Variants in VPS35L observed in about 807,000 individuals in gnomAD.
The protein encoded by VPS35L is VPS35 endosomal protein sorting factor like.
VPS35L carries 83 observed loss-of-function variants against 133.0 expected under a neutral mutation model. The observed-to-expected ratio is 0.62, with a 90% CI of 0.52 to 0.75. VPS35L has a LOEUF of 0.75. VPS35L is among the 30% of genes least tolerant of loss of function. VPS35L has a pLI of 0.00. For synonymous variants in VPS35L, 423 were observed against 449.9 expected (o/e 0.94, Z 0.76); for missense variants, 1,083 against 1,206.8 (o/e 0.90, Z 1.52).
intron 7 of VPS35L, 127 bp from the exon 8 acceptor site, chr16:19,591,663 G>A (rs1044596130): frequency 4.9e-5 from 32 of 652,800 alleles, no homozygotes; most frequent in African/African-American, 2.0e-4. Flanking sequence ...TCAGCACCTC[G>A]CACAGGCCTT....
intron 6 of VPS35L, among the ~76,000 whole-genome samples, chr16:19,580,113 T>C (rs952890248): frequency 6.6e-6 from 1 of 151,530 alleles, no homozygotes; most frequent in Non-Finnish European, 1.5e-5. Context: ...AGTAGGAGAA[T>C]TGCTTGAACC....
chr16:19,638,724 G>A (rs1419583271), intron 20 of VPS35L, among the ~76,000 whole-genome samples: 3 of 152,134 alleles, frequency 2.0e-5, no homozygotes, highest in Admixed American at 6.6e-5. Flanking sequence ...ATGTGGAGAC[G>A]CTAGACAAAG....
rs575875673 is a variant in VPS35L at position 19,676,577 on chromosome 16, G to A, written c.2362-5648G>A. Among the ~76,000 whole-genome samples, 11 of 152,216 alleles carry A rather than the reference G, an allele frequency of 7.2e-5. 1 individual carries two copies. In the South Asian group the frequency reaches 2.3e-3, roughly 32 times the overall value. ...TTTGAGGCCTAGTTTTGATACAGTTGCAATTTGCAAGAAATGGAAATGCTA... is the reference window on the plus strand; with the variant it reads ...TTTGAGGCCTAGTTTTGATACAGTTACAATTTGCAAGAAATGGAAATGCTA... On this transcript the variant is annotated intron_variant, in intron 27 of 30. Transcript: ENST00000417362.
intron 7 of VPS35L, among the ~76,000 whole-genome samples, chr16:19,591,127 T>C (rs1972030218): frequency 6.6e-6 from 1 of 152,106 alleles, no homozygotes; most frequent in African/African-American, 2.4e-5. Context: ...ATGTTCCTTT[T>C]GGGGGGAATT....
rs1161001102 is a variant in VPS35L at position 19,651,989 on chromosome 16, A to G, written c.2120A>G (p.Tyr707Cys). 1.9e-6 allele frequency: 3 copies of G among 1,609,758 alleles called. No individual in the cohort carries two copies. The highest frequency in any genetic ancestry group is 2.6e-6 in the Non-Finnish European group (3 of 1,176,324). ...CCCTTCTCCTAGGCCTGTGTTGCCTACTGCTTCATCACCATCCCCTCCCTG... is the reference window on the plus strand; with the variant it reads ...CCCTTCTCCTAGGCCTGTGTTGCCTGCTGCTTCATCACCATCCCCTCCCTG... ...TAAFVRACVA[Y>C]CFITIPSLAG... The change falls in exon 26 of 31, where the codon TAC (tyrosine) becomes TGC (cysteine). Residue 707 changes from tyrosine (Y) to cysteine (C), a missense_variant. Tyr to Cys is a radical substitution (Grantham distance 194). Coordinates refer to ENST00000417362, the MANE Select transcript of VPS35L (RefSeq NM_020314.7).
At chr16:19,671,783 A>G (rs1416890416) in intron 27 of VPS35L, among the ~76,000 whole-genome samples, 1 of 152,186 alleles carries the variant, frequency 6.6e-6, no homozygotes, top group Non-Finnish European at 1.5e-5. Flanking sequence ...TCTCAAAAAA[A>G]ATAAAAATAG....
chr16:19,638,282 C>G (rs534590661), intron 20 of VPS35L, among the ~76,000 whole-genome samples: 104 of 152,246 alleles, frequency 6.8e-4, no homozygotes, highest in Non-Finnish European at 9.3e-4. Flanking sequence ...AATATTTATT[C>G]GACATATACC....
chr16:19,659,540 T>C (rs1403022402), intron 26 of VPS35L, among the ~76,000 whole-genome samples: 1 of 152,198 alleles, frequency 6.6e-6, no homozygotes, highest in Non-Finnish European at 1.5e-5. Context: ...ATGTATAAGG[T>C]ATTTAATTGT....
At chr16:19,651,066 AG>A (rs1373761801) in intron 25 of VPS35L, among the ~76,000 whole-genome samples, 1 of 152,098 alleles carries the variant, frequency 6.6e-6, no homozygotes, top group Non-Finnish European at 1.5e-5. Flanking sequence ...TTTTTAGTAG[AG>A]ATGGGGGTTT....
At chr16:19,606,185 T>G (rs1424534152) in intron 9 of VPS35L, among the ~76,000 whole-genome samples, 3 of 152,206 alleles carry the variant, frequency 2.0e-5, no homozygotes, top group African/African-American at 4.8e-5. Context: ...TGAACCAGTT[T>G]GTTTTAGCCA....
At chr16:19,602,501 C>T (rs921426217) in intron 9 of VPS35L, among the ~76,000 whole-genome samples, 2 of 151,862 alleles carry the variant, frequency 1.3e-5, no homozygotes, top group Middle Eastern at 3.2e-3. Flanking sequence ...TCCTTTATTC[C>T]TCCCTCTCTC....
At chr16:19,690,032 C>T (rs1194034354) in intron 28 of VPS35L, among the ~76,000 whole-genome samples, 2 of 152,110 alleles carry the variant, frequency 1.3e-5, no homozygotes, top group Non-Finnish European at 2.9e-5. Context: ...CCCACCTTAG[C>T]CTCCCAAGTA....
intron 24 of VPS35L, 60 bp downstream of exon 24, chr16:19,647,942 C>G (rs1974004501): frequency 7.2e-7 from 1 of 1,382,718 alleles, no homozygotes; most frequent in Non-Finnish European, 1.0e-6. Flanking sequence ...CATCTACATC[C>G]CAATCATTTA....
intron 2 of VPS35L, among the ~76,000 whole-genome samples, chr16:19,569,056 T>C (rs1971278261): frequency 6.6e-6 from 1 of 152,174 alleles, no homozygotes; most frequent in African/African-American, 2.4e-5. Flanking sequence ...TGGTAGTCTC[T>C]AGTTAGTGGG....
chr16:19,582,678 C>A (rs1347067778), intron 7 of VPS35L, among the ~76,000 whole-genome samples: 1 of 152,176 alleles, frequency 6.6e-6, no homozygotes, highest in Non-Finnish European at 1.5e-5. Flanking sequence ...AGTACTTCTT[C>A]ACAATATTTG....
chr16:19,559,308 T>G (rs1280487862), intron 1 of VPS35L, among the ~76,000 whole-genome samples: 1 of 152,204 alleles, frequency 6.6e-6, no homozygotes, highest in East Asian at 1.9e-4. Flanking sequence ...CCAGGTGATG[T>G]CATTGCTGGT....
chr16:19,625,102 G>A (rs1451861485), intron 14 of VPS35L, among the ~76,000 whole-genome samples: 1 of 152,110 alleles, frequency 6.6e-6, no homozygotes, highest in Non-Finnish European at 1.5e-5. Flanking sequence ...TTCCTTTGGC[G>A]GAGGCGGGGA....
intron 26 of VPS35L, among the ~76,000 whole-genome samples, chr16:19,658,824 A>C (rs1462061126): frequency 6.6e-6 from 1 of 152,136 alleles, no homozygotes; most frequent in African/African-American, 2.4e-5. Flanking sequence ...AATGAGGAGG[A>C]GATCAAGTTA....
chr16:19,663,437 T>C (rs910094738), intron 26 of VPS35L, among the ~76,000 whole-genome samples: 2 of 152,180 alleles, frequency 1.3e-5, no homozygotes, highest in African/African-American at 4.8e-5. Flanking sequence ...TCTATGCATC[T>C]ACATAAGTTT....
Sources: gnomAD v4.1 joint callset for allele counts (sites outside exome capture counted in the v4.1 genomes callset) on GRCh38, gnomAD v4.1.1 for gene constraint, MANE v1.5 for transcripts, NCBI Gene and HGNC (gene_info 2026-07-23, HGNC 2026-07-21) for gene names.